The following RGL4 variants were observed in gnomAD, a reference collection of about 807,000 sequenced individuals.
RGL4 encodes ral-GDS-related protein.
A neutral mutation model predicts 49.6 loss-of-function variants in RGL4; 41 were observed. The ratio of observed to expected loss-of-function variants is 0.83; its 90% CI spans 0.64 to 1.07. RGL4 has a LOEUF of 1.07. Ranked by LOEUF, RGL4 falls within the 50% of genes least tolerant of loss-of-function variation. RGL4 has a pLI of 0.00. For synonymous variants in RGL4, 255 were observed against 238.0 expected (o/e 1.07, Z -0.66); for missense variants, 610 against 591.9 (o/e 1.03, Z -0.32).
chr22:23,694,389 G>A lies in RGL4; in HGVS notation c.955G>A (p.Val319Ile), dbSNP rs767986131. Residue 319 changes from valine (V) to isoleucine (I), a missense_variant, in exon 5 of 11, where the codon GTC (valine) becomes ATC (isoleucine). Coordinates refer to ENST00000290691, the MANE Select transcript of RGL4 (RefSeq NM_153615.2). ...LNNFSSVHVI[V>I]SALCSNPIGQ... Reference sequence around the variant, plus strand: ...CAACTTCTCCTCGGTGCACGTCATCGTCTCTGCTCTGTGCAGCAACCCAAT... The same window carrying A: ...CAACTTCTCCTCGGTGCACGTCATCATCTCTGCTCTGTGCAGCAACCCAAT... The A allele has an allele frequency of 2.0e-5, 33 of 1,613,914 alleles. No homozygotes were observed. The highest frequency in any genetic ancestry group is 2.0e-4 in the East Asian group (9 of 44,894).
Position 23,697,138 on chromosome 22 carries a change from C to T in RGL4, c.1162-33C>T, listed in dbSNP as rs752106802. 2.6e-5 allele frequency: 39 copies of T among 1,525,080 alleles called. No individual in the cohort carries two copies. The Admixed American group carries it at 6.7e-4, about 26-fold the overall frequency. The allele number at this position is 1,525,080 out of a possible 1,614,324, so 94.5% of individuals were successfully genotyped here. A position where few individuals can be genotyped will look rare whatever the true frequency, so the allele number is the denominator to read the frequency against. ...TGAGGGCCAATACTCATCACCACTA[C>T]CCCTCCCACCTCCCCACCCCTCCTT... On this transcript the variant is annotated intron_variant, in intron 7 of 10. Transcript: ENST00000290691.
In RGL4 at chr22:23,692,820, AC is replaced by A; in HGVS notation, c.527del (p.Pro176GlnfsTer29). 1 of 1,613,560 alleles carries A rather than the reference AC, an allele frequency of 6.2e-7. No homozygotes were observed. The highest frequency in any genetic ancestry group is 1.1e-5 in the South Asian group (1 of 91,084). On this transcript the variant is annotated frameshift_variant, in exon 3 of 11. Coordinates refer to ENST00000290691, the MANE Select transcript of RGL4 (RefSeq NM_153615.2). LOFTEE classifies it high-confidence loss of function. The stretch of plus-strand genomic sequence containing the variant: ...ATCTACATTCAGCACCAGGGCCAGC[AC>A]CAGCACCAGGGGAAGGGCCCCCTCC... ...GYLHSAPGPA[P>X]APGEGPPPGT...
Position 23,693,930 on chromosome 22 carries a change from C to CGGGACA in RGL4, c.872_877dup (p.Asp291_Arg292dup). 4 of 1,613,862 alleles carry CGGGACA rather than the reference C, an allele frequency of 2.5e-6. No homozygotes were observed. Among genetic ancestry groups the CGGGACA allele is most frequent in the Non-Finnish European group, 3.4e-6 (4 of 1,180,028 alleles). On this transcript the variant is annotated inframe_insertion, in exon 4 of 11. Coordinates refer to ENST00000290691, the MANE Select transcript of RGL4 (RefSeq NM_153615.2). ...CCTCGGGGACCACAGCATGAGGGCC[C>CGGGACA]GGGACAGGGCCAGGGTGGTGGAGCA... is the stretch of plus-strand genomic sequence containing the variant.
chr22:23,697,352 C>T (rs1923574330), intron 8 of RGL4, 107 bp downstream of exon 8: 18 of 840,370 alleles, frequency 2.1e-5, no homozygotes, highest in Non-Finnish European at 3.1e-5. Context: ...ACCTCCTCTC[C>T]TAAGAGCCTC....
At position 23,698,990 on chromosome 22, in the gene RGL4, G is replaced by A; in HGVS notation, c.*107G>A. 6.4e-7 allele frequency: 1 copy of A among 1,557,744 alleles called. No homozygotes were observed. Among genetic ancestry groups the A allele is most frequent in the South Asian group, 1.2e-5 (1 of 84,620 alleles). On this transcript the variant is annotated 3_prime_UTR_variant, in exon 11 of 11. Transcript: ENST00000290691. ...GTAGACACCAGGGAACCACATCTAG[G>A]AGGCTGGCAGCTCAGCTGCATCTTG...
rs773352023 is a variant in RGL4 at position 23,693,825 on chromosome 22, G to T, written c.763G>T (p.Gly255Trp). 6.2e-6 allele frequency: 10 copies of T among 1,613,956 alleles called. No homozygotes were observed. In the South Asian group the frequency reaches 1.1e-4, roughly 18 times the overall value. The change falls in exon 4 of 11, where the codon GGG (glycine) becomes TGG (tryptophan). Residue 255 changes from glycine (G) to tryptophan (W), a missense_variant. By Grantham distance (184) the Gly-to-Trp change is radical. Coordinates refer to ENST00000290691, the MANE Select transcript of RGL4 (RefSeq NM_153615.2). ...CATCTGGGGCCAAGGACATCTGAAG[G>T]GGAATGAGCACATGGCACCCACAGT... ...GCIWGQGHLK[G>W]NEHMAPTVRA...
chr22:23,691,136 A>C lies in RGL4; in HGVS notation c.-895A>C, dbSNP rs1332696047. 1 of 152,196 alleles carries C rather than the reference A, an allele frequency of 6.6e-6. No individual in the cohort carries two copies. The highest frequency in any genetic ancestry group is 2.4e-5 in the African/African-American group (1 of 41,440). 9.4% of individuals were successfully genotyped at this position (152,196 alleles called of 1,614,324 possible). A position where few individuals can be genotyped will look rare whatever the true frequency, so the allele number is the denominator to read the frequency against. ...GCAAACAAAGGGGTCCCTAGAGCCT[A>C]AAACTCTGGAAAATCTGCTGGGGGT... On this transcript the variant is annotated 5_prime_UTR_variant, in exon 1 of 11. Transcript: ENST00000290691.
chr22:23,695,039 ATG>A lies in RGL4; in HGVS notation c.1086+21_1086+22del. 6.4e-7 allele frequency: 1 copy of A among 1,570,626 alleles called. No individual in the cohort carries two copies. The highest frequency in any genetic ancestry group is 8.8e-7 in the Non-Finnish European group (1 of 1,140,730). On this transcript the variant is annotated intron_variant, in intron 6 of 10. Coordinates refer to ENST00000290691, the MANE Select transcript of RGL4 (RefSeq NM_153615.2). ...ATCAAGGTACAGTGGAGTCTGGGAG[ATG>A]CAGGACAAGTGTTTAAGGGTCAGAG...
chr22:23,696,000 T>C (rs978251516), intron 6 of RGL4, among the ~76,000 whole-genome samples: 3 of 152,306 alleles, frequency 2.0e-5, no homozygotes, highest in Admixed American at 6.5e-5. Flanking sequence ...CAGGTGCCAC[T>C]TAACCAGGTC....
chr22:23,696,288 G>A (rs1923486797), intron 6 of RGL4: 1 of 1,256,160 alleles, frequency 8.0e-7, no homozygotes, highest in Non-Finnish European at 1.0e-6. Flanking sequence ...TTCAAGAAAA[G>A]AAAGCAATTT....
rs186421604 is a variant in RGL4 at position 23,697,164 on chromosome 22, G to T, written c.1162-7G>T. On this transcript the variant is annotated splice_polypyrimidine_tract_variant and splice_region_variant and intron_variant, in intron 7 of 10. Coordinates refer to ENST00000290691, the MANE Select transcript of RGL4 (RefSeq NM_153615.2). ...CCCTCCCACCTCCCCACCCCTCCTT[G>T]GCACAGGGTGTGGTCCCCTTCCTGG... is the stretch of plus-strand genomic sequence containing the variant. 3.7e-6 allele frequency: 6 copies of T among 1,605,060 alleles called. No homozygotes were observed. The South Asian group carries it at 6.6e-5, about 18-fold the overall frequency.
rs758231843 is a variant in RGL4 at position 23,694,420 on chromosome 22, A to G, written c.986A>G (p.Gln329Arg). ...GCTCTGTGCAGCAACCCAATAGGTC[A>G]GCTACACAAGACGTGGGCAGGAGTG... ...VSALCSNPIG[Q>R]LHKTWAGVSS... Residue 329 changes from glutamine to arginine, a missense_variant, in exon 5 of 11, where the codon CAG (glutamine) becomes CGG (arginine). By Grantham distance (43) the Gln-to-Arg change is conservative (BLOSUM62 1). Transcript: ENST00000290691. 6.8e-5 allele frequency: 110 copies of G among 1,613,866 alleles called. No homozygotes were observed. The African/African-American group carries it at 1.2e-3, about 18-fold the overall frequency.
chr22:23,696,987 C>T (rs1923548781), intron 7 of RGL4, among the ~76,000 whole-genome samples, 184 bp from the exon 8 acceptor site: 1 of 152,200 alleles, frequency 6.6e-6, no homozygotes. Context: ...AGCTGGGATA[C>T]AGGAGGCAGA....
intron 2 of RGL4, 48 bp downstream of exon 2, chr22:23,692,576 G>C (rs1416095024): frequency 6.3e-7 from 1 of 1,588,630 alleles, no homozygotes; most frequent in Admixed American, 1.8e-5. Flanking sequence ...GGTGTTTTGG[G>C]GCTACAATTC....
At chr22:23,698,800 T>C (rs1304344117) in intron 10 of RGL4, 44 bp from the exon 11 acceptor site, 10 of 1,584,522 alleles carry the variant, frequency 6.3e-6, no homozygotes, top group Non-Finnish European at 8.6e-6. Flanking sequence ...GGGGACCTGA[T>C]GTGTGGCTCA....
At chr22:23,694,739 C>CG (rs1923372875) in intron 5 of RGL4, 1 of 600,310 alleles carries the variant, frequency 1.7e-6, no homozygotes, top group African/African-American at 1.9e-5. Context: ...ACTGTAAACA[C>CG]GCAGTGGCTC....
Position 23,693,862 on chromosome 22 carries a change from T to A in RGL4, c.800T>A (p.Ile267Asn). 4 of 1,614,010 alleles carry A rather than the reference T, an allele frequency of 2.5e-6. No individual in the cohort carries two copies. The highest frequency in any genetic ancestry group is 3.4e-6 in the Non-Finnish European group (4 of 1,180,014). Residue 267 changes from isoleucine (I) to asparagine (N), a missense_variant, in exon 4 of 11, where the codon ATC becomes AAC. By Grantham distance (149) the Ile-to-Asn change is moderately radical. Transcript: ENST00000290691. ...EHMAPTVRAT[I>N]AHFNRLTNCI... ...ATGGCACCCACAGTTCGTGCCACCA[T>A]CGCACACTTCAACAGGCTCACCAAC... is the stretch of plus-strand genomic sequence containing the variant.
chr22:23,698,009 G>C, intron 9 of RGL4, 148 bp downstream of exon 9: 1 of 1,098,526 alleles, frequency 9.1e-7, no homozygotes, highest in Non-Finnish European at 1.3e-6. Flanking sequence ...CCTATCCCAG[G>C]AGAAAATGGG....
At position 23,692,075 on chromosome 22, in the gene RGL4, T is replaced by C. The variant is rs772609596; in HGVS notation, c.45T>C (p.Ser15=). 6.2e-7 allele frequency: 1 copy of C among 1,614,078 alleles called. No individual in the cohort carries two copies. Among genetic ancestry groups the C allele is most frequent in the South Asian group, 1.1e-5 (1 of 91,076 alleles). Residue 15 remains serine, a synonymous_variant, in exon 1 of 11, where the codon AGT becomes AGC. Transcript: ENST00000290691. The part of the protein sequence containing the change: ...LTNLPAAAVL[S]AQVYSAVLQG... ...ATCTGCCTGCAGCTGCAGTCTTGAG[T>C]GCCCAGGTGTACAGTGCTGTGCTCC...
Sources: gnomAD v4.1 joint callset for allele counts (sites outside exome capture counted in the v4.1 genomes callset) on GRCh38, gnomAD v4.1.1 for gene constraint, MANE v1.5 for transcripts, NCBI Gene and HGNC (gene_info 2026-07-23, HGNC 2026-07-21) for gene names.